The following SYNPR variants were observed in gnomAD, a reference collection of about 807,000 sequenced individuals.
The protein encoded by SYNPR is synaptoporin.
In SYNPR, 23 loss-of-function variants were observed where a neutral mutation model predicts 32.9. The ratio of observed to expected loss-of-function variants is 0.70; its 90% CI spans 0.50 to 0.99. The LOEUF (loss-of-function observed/expected upper bound fraction) is 0.99. Among genes scored for constraint, SYNPR ranks in the 50% least tolerant of loss-of-function variants. The pLI is 0.00. For synonymous variants in SYNPR, 146 were observed against 135.9 expected (o/e 1.07, Z -0.52); for missense variants, 318 against 349.3 (o/e 0.91, Z 0.71).
chr3:63,374,566 A>G (rs547997672), intron 2 of SYNPR, among the ~76,000 whole-genome samples: 1 of 152,342 alleles, frequency 6.6e-6, no homozygotes, highest in South Asian at 2.1e-4. Flanking sequence ...ACACCTGCAC[A>G]TATACCCCTG....
intron 2 of SYNPR, among the ~76,000 whole-genome samples, chr3:63,444,929 T>G (rs933997119): frequency 1.3e-5 from 2 of 151,218 alleles, no homozygotes; most frequent in African/African-American, 4.9e-5. Flanking sequence ...TGGAGCCAAG[T>G]GTATCTTAGC....
rs1426111111 is a variant in SYNPR at position 63,340,145 on chromosome 3, AT to A, written c.84+61410del. Among the ~76,000 whole-genome samples, 3 of 152,132 alleles carry A rather than the reference AT, an allele frequency of 2.0e-5. No homozygotes were observed. In the East Asian group the frequency reaches 5.8e-4, roughly 29 times the overall value. ...AATTTCCTTCAGATCTATCCAAGTT[AT>A]TTTTTTAATATTGCTGAGTAATAGT... is the stretch of plus-strand genomic sequence containing the variant. On this transcript the variant is annotated intron_variant, in intron 2 of 5. Transcript: ENST00000478300.
At chr3:63,483,489 C>A (rs1233350249) in intron 3 of SYNPR, among the ~76,000 whole-genome samples, 1 of 152,076 alleles carries the variant, frequency 6.6e-6, no homozygotes, top group Non-Finnish European at 1.5e-5. Context: ...AAACAGTTAA[C>A]AGGGATTACT....
the SYNPR span, among the ~76,000 whole-genome samples, chr3:63,219,813 C>T: frequency 6.6e-6 from 1 of 151,974 alleles, no homozygotes; most frequent in African/African-American, 2.4e-5. Flanking sequence ...GAAGGGCAGG[C>T]GTTTGTCTTT....
intron 3 of SYNPR, among the ~76,000 whole-genome samples, chr3:63,515,550 A>G (rs956845776): frequency 1.3e-5 from 2 of 152,152 alleles, no homozygotes; most frequent in Non-Finnish European, 2.9e-5. Context: ...GGAAAATTCA[A>G]AATATCACAG....
intron 2 of SYNPR, among the ~76,000 whole-genome samples, chr3:63,424,316 C>T (rs1699855095): frequency 6.6e-6 from 1 of 152,100 alleles, no homozygotes; most frequent in Non-Finnish European, 1.5e-5. Flanking sequence ...AAGAAAACAT[C>T]TTGGTGGGGT....
chr3:63,336,314 T>A (rs1021210936), intron 2 of SYNPR, among the ~76,000 whole-genome samples: 18 of 151,654 alleles, frequency 1.2e-4, no homozygotes, highest in African/African-American at 4.4e-4. Context: ...CATAAAAGGA[T>A]CTCAAATATA....
At chr3:63,389,564 C>T (rs2088105146) in intron 2 of SYNPR, among the ~76,000 whole-genome samples, 1 of 152,162 alleles carries the variant, frequency 6.6e-6, no homozygotes, top group South Asian at 2.1e-4. Flanking sequence ...CTGAGGTTGG[C>T]AGGTAAGGTA....
Position 63,503,771 on chromosome 3 carries a change from A to G in SYNPR, c.209+22815A>G, listed in dbSNP as rs371516131. Among the ~76,000 whole-genome samples the G allele has an allele frequency of 1.2e-4, 19 of 152,238 alleles. No individual in the cohort carries two copies. In the East Asian group the frequency reaches 2.9e-3, roughly 23 times the overall value. On this transcript the variant is annotated intron_variant, in intron 3 of 5. Transcript: ENST00000478300. ...CAGTACCTCCTAAAACTAACAAACTAACAAAATACCAAATACACAACAAAT... is the reference window on the plus strand; with the variant it reads ...CAGTACCTCCTAAAACTAACAAACTGACAAAATACCAAATACACAACAAAT...
At chr3:63,534,285 T>C (rs2106793389) in intron 3 of SYNPR, among the ~76,000 whole-genome samples, 1 of 152,294 alleles carries the variant, frequency 6.6e-6, no homozygotes, top group African/African-American at 2.4e-5. Flanking sequence ...GTAACTGAAT[T>C]TCTGTCAACA....
intron 2 of SYNPR, among the ~76,000 whole-genome samples, chr3:63,315,719 A>C (rs2087033191): frequency 6.6e-6 from 1 of 151,982 alleles, no homozygotes; most frequent in African/African-American, 2.4e-5. Context: ...ACAGCTTTGA[A>C]TGCCCTTTAT....
chr3:63,587,899 C>T (rs574219398), intron 4 of SYNPR, among the ~76,000 whole-genome samples: 1 of 152,150 alleles, frequency 6.6e-6, no homozygotes, highest in African/African-American at 2.4e-5. Context: ...ACGGGTGCAA[C>T]TGCAACCATG....
At chr3:63,425,116 T>C (rs1281702337) in intron 2 of SYNPR, among the ~76,000 whole-genome samples, 1 of 152,180 alleles carries the variant, frequency 6.6e-6, no homozygotes, top group Non-Finnish European at 1.5e-5. Flanking sequence ...AAATCCTGTT[T>C]TCACAGAACA....
At chr3:63,583,989 G>A (rs1338160186) in intron 4 of SYNPR, among the ~76,000 whole-genome samples, 2 of 152,122 alleles carry the variant, frequency 1.3e-5, no homozygotes, top group Non-Finnish European at 2.9e-5. Context: ...TTACAGAGGA[G>A]GAGTAGATGG....
intron 2 of SYNPR, among the ~76,000 whole-genome samples, chr3:63,357,524 A>G (rs574315517): frequency 6.6e-6 from 1 of 151,950 alleles, no homozygotes; most frequent in East Asian, 1.9e-4. Flanking sequence ...GCATTTCCCC[A>G]CTGAGTTCCT....
chr3:63,234,210 G>A (rs2086185007), intron 1 of SYNPR, among the ~76,000 whole-genome samples: 1 of 152,128 alleles, frequency 6.6e-6, no homozygotes, highest in Non-Finnish European at 1.5e-5. Flanking sequence ...GAGAGCTTGT[G>A]AATGGGAACT....
chr3:63,427,055 GTCC>G (rs1310511592), intron 2 of SYNPR, among the ~76,000 whole-genome samples: 1 of 151,782 alleles, frequency 6.6e-6, no homozygotes, highest in East Asian at 1.9e-4. Flanking sequence ...ACAGAAGAGT[GTCC>G]TCCTAAAATT....
In SYNPR at chr3:63,615,559, A is replaced by C; in HGVS notation, c.*78A>C. On this transcript the variant is annotated 3_prime_UTR_variant, in exon 6 of 6. Transcript: ENST00000478300. ...GGCAGAAGAATTTTTTAAGGGTTTC[A>C]ATCAATTATTAATGCAGAGAGTATT... The C allele has an allele frequency of 1.3e-6, 2 of 1,524,056 alleles. No individual in the cohort carries two copies. The highest frequency in any genetic ancestry group is 1.8e-6 in the Non-Finnish European group (2 of 1,132,154). 94.4% of individuals were successfully genotyped at this position (1,524,056 alleles called of 1,614,324 possible).
intron 3 of SYNPR, among the ~76,000 whole-genome samples, chr3:63,271,058 A>G (rs929184211): frequency 2.5e-5 from 2 of 80,022 alleles, no homozygotes; most frequent in African/African-American, 8.2e-5. Flanking sequence ...CTTCCTTTCT[A>G]CCTTCTCTCT....
Sources: gnomAD v4.1 joint callset for allele counts (sites outside exome capture counted in the v4.1 genomes callset) on GRCh38, gnomAD v4.1.1 for gene constraint, MANE v1.5 for transcripts, NCBI Gene and HGNC (gene_info 2026-07-23, HGNC 2026-07-21) for gene names.